The following PCNT variants were observed in gnomAD, a reference collection of about 807,000 sequenced individuals.
PCNT encodes kendrin.
PCNT carries 319 observed loss-of-function variants against 380.4 expected under a neutral mutation model. The ratio of observed to expected loss-of-function variants is 0.84; its 90% CI spans 0.77 to 0.92. The LOEUF is 0.92. Among genes scored for constraint, PCNT ranks in the 40% least tolerant of loss-of-function variants. PCNT has a pLI of 0.00. For synonymous variants in PCNT, 1,845 were observed against 1,735.2 expected, an observed-to-expected ratio of 1.06 and a Z score of -1.57; for missense variants, 4,400 against 4,255.3, an observed-to-expected ratio of 1.03 and a Z score of -0.95.
rs1306250328 is a variant in PCNT, at chr21:46,388,376, T to G, written c.3465-366T>G. ...TGAAATGGCTGGCTGGTGCACCCTGTGCTCCAGGGGAGGGGCGGAGCCTGT... is the reference window on the plus strand; with the variant it reads ...TGAAATGGCTGGCTGGTGCACCCTGGGCTCCAGGGGAGGGGCGGAGCCTGT... On this transcript the variant is annotated intron_variant, in intron 17 of 46. Transcript: ENST00000359568. This position sits in a 1 kb window ranked among gnomAD's most constrained non-coding sequence, Gnocchi z 4.2. Among the ~76,000 whole-genome samples, 1 of 152,186 alleles carries G rather than the reference T, an allele frequency of 6.6e-6. No individual in the cohort carries two copies. Among genetic ancestry groups the G allele is most frequent in the Non-Finnish European group, 1.5e-5 (1 of 68,030 alleles).
At position 46,382,282 on chromosome 21, in the gene PCNT, C is replaced by T. The variant is rs1386493919; in HGVS notation, c.3312+442C>T. The stretch of plus-strand genomic sequence containing the variant: ...GGTGTTGTGCATTCAGTGGTGGAAG[C>T]GCATTCATGGTGTTGTGCATTCAGT... On this transcript the variant is annotated intron_variant, in intron 16 of 46. Transcript: ENST00000359568. Among the ~76,000 whole-genome samples, 5 of 145,316 alleles carry T rather than the reference C, an allele frequency of 3.4e-5. 1 individual carries two copies. The highest frequency in any genetic ancestry group is 2.4e-4 in the South Asian group (1 of 4,226).
chr21:46,351,171 T>A (rs1423219858), intron 8 of PCNT, among the ~76,000 whole-genome samples: 2 of 152,136 alleles, frequency 1.3e-5, no homozygotes, highest in East Asian at 1.9e-4. Flanking sequence ...CCGTGCCACC[T>A]CCTCAGCTGA....
At position 46,444,776 on chromosome 21, in the gene PCNT, C is replaced by T; in HGVS notation, c.9922C>T (p.His3308Tyr). The T allele has an allele frequency of 8.1e-6, 13 of 1,612,808 alleles. No homozygotes were observed. The highest frequency in any genetic ancestry group is 1.1e-5 in the Non-Finnish European group (13 of 1,178,998). Residue 3308 changes from histidine (H) to tyrosine (Y), a missense_variant, in exon 46 of 47, where the codon CAC becomes TAC. His to Tyr is a moderately conservative substitution (Grantham distance 83, BLOSUM62 2). Coordinates refer to ENST00000359568, the MANE Select transcript of PCNT (RefSeq NM_006031.6). ...DPEHSLTEYI[H>Y]HLEVIQQRLG... ...AGAACATTCCTTGACAGAGTATATT[C>T]ACCATTTAGAAGTGATCCAGCAAAG...
At chr21:46,371,494 A>G (rs916044050) in intron 15 of PCNT, among the ~76,000 whole-genome samples, 10 of 152,128 alleles carry the variant, frequency 6.6e-5, no homozygotes. Context: ...TGGCCAGTGT[A>G]GTTACTTACT....
In PCNT at chr21:46,388,833, C is replaced by T. The variant is rs972714232; in HGVS notation, c.3556C>T (p.Arg1186Cys). ...CACCCTGAGGAGCCGGATCGGGGAG[C>T]GCGTGGGGCTCTGCCTGGATGACGC... ...AVTLRSRIGE[R>C]VGLCLDDAGA... The change falls in exon 18 of 47, where the codon CGC becomes TGC. Residue 1186 changes from arginine to cysteine, a missense_variant. Coordinates refer to ENST00000359568, the MANE Select transcript of PCNT (RefSeq NM_006031.6). This position sits in a 1 kb window ranked among gnomAD's most constrained non-coding sequence, Gnocchi z 4.2. 34 of 1,612,008 alleles carry T rather than the reference C, an allele frequency of 2.1e-5. No homozygotes were observed. Among genetic ancestry groups the T allele is most frequent in the Non-Finnish European group, 2.8e-5 (33 of 1,179,966 alleles).
rs752865429 is a variant in PCNT, at chr21:46,363,765, T to C, written c.2440T>C (p.Leu814=). 2 of 1,614,144 alleles carry C rather than the reference T, an allele frequency of 1.2e-6. No individual in the cohort carries two copies. Among genetic ancestry groups the C allele is most frequent in the Admixed American group, 3.3e-5 (2 of 60,028 alleles). ...CCAGATCCTGGATCTGGAGAGGTCC[T>C]TGACGGAGCAGCAGGGCCGCCTGCA... The part of the protein sequence containing the change: ...AAQILDLERS[L]TEQQGRLQQL... The change falls in exon 14 of 47, where the codon TTG becomes CTG. Residue 814 remains leucine (L), a synonymous_variant. Transcript: ENST00000359568.
At chr21:46,365,105 C>CGGGGTTCTATTCACTTCCAT (rs1270704183) in intron 14 of PCNT, among the ~76,000 whole-genome samples, 85 of 152,310 alleles carry the variant, frequency 5.6e-4, no homozygotes, top group African/African-American at 1.7e-3. Context: ...TTCACTGCCA[C>CGGGGTTCTATTCACTTCCAT]GGGGTTCTAT....
At chr21:46,436,704 T>A (rs2053465762) in intron 39 of PCNT, among the ~76,000 whole-genome samples, 2 of 152,130 alleles carry the variant, frequency 1.3e-5, no homozygotes, top group South Asian at 4.1e-4. Flanking sequence ...AATCATTCAT[T>A]CCAGAGGAAA....
At chr21:46,394,916 C>T (rs1371404854) in intron 21 of PCNT, among the ~76,000 whole-genome samples, 2 of 152,196 alleles carry the variant, frequency 1.3e-5, no homozygotes, top group African/African-American at 2.4e-5. Context: ...GCTGGGATTG[C>T]GATCCTCGTG....
In PCNT at chr21:46,411,782, C is replaced by T. The variant is rs774766182; in HGVS notation, c.5709C>T (p.Arg1903=). 1.8e-5 allele frequency: 29 copies of T among 1,602,922 alleles called. No individual in the cohort carries two copies. The highest frequency in any genetic ancestry group is 8.0e-5 in the African/African-American group (6 of 74,788). Residue 1903 remains arginine (R), a synonymous_variant, in exon 28 of 47, where the codon CGC becomes CGT. Transcript: ENST00000359568. Reference sequence around the variant, plus strand: ...TGTTGGCCTTGGCCCGCATCCGCCGCGCCCTGGAGCAGCAGCCCCTGGCAG... The same window carrying T: ...TGTTGGCCTTGGCCCGCATCCGCCGTGCCCTGGAGCAGCAGCCCCTGGCAG... ...AVLLALARIR[R]ALEQQPLAAG... is the part of the protein sequence containing the mutation.
At chr21:46,390,238 G>T (rs567773815) in intron 19 of PCNT, among the ~76,000 whole-genome samples, 1 of 152,260 alleles carries the variant, frequency 6.6e-6, no homozygotes, top group Admixed American at 6.5e-5. Flanking sequence ...GCTTGATCCT[G>T]GGAGGCTGAG....
At chr21:46,370,737 T>C (rs1037811854) in intron 15 of PCNT, among the ~76,000 whole-genome samples, 1 of 152,082 alleles carries the variant, frequency 6.6e-6, no homozygotes, top group Non-Finnish European at 1.5e-5. Flanking sequence ...AAGAGTCCAC[T>C]TCTAAAAATA....
chr21:46,362,207 C>T (rs926498395), intron 13 of PCNT, among the ~76,000 whole-genome samples: 1 of 152,198 alleles, frequency 6.6e-6, no homozygotes, highest in Admixed American at 6.5e-5. Context: ...TCGGGGTCAG[C>T]CTGAGACGTG....
chr21:46,387,537 G>A (rs2147256611), intron 17 of PCNT, among the ~76,000 whole-genome samples: 1 of 152,264 alleles, frequency 6.6e-6, no homozygotes, highest in South Asian at 2.1e-4. Context: ...GAGGTGGGGT[G>A]GCTGCAGACG....
At chr21:46,393,430 CT>C (rs1000178439) in intron 21 of PCNT, among the ~76,000 whole-genome samples, 5 of 152,152 alleles carry the variant, frequency 3.3e-5, no homozygotes, top group African/African-American at 1.2e-4. Flanking sequence ...GATGCTTTCT[CT>C]GCTTGTCCTC....
intron 27 of PCNT, among the ~76,000 whole-genome samples, chr21:46,405,682 C>G (rs550420342): frequency 6.6e-6 from 1 of 151,730 alleles, no homozygotes; most frequent in African/African-American, 2.4e-5. Flanking sequence ...GGCGACAGAG[C>G]AAGACTCGTC....
intron 21 of PCNT, among the ~76,000 whole-genome samples, chr21:46,392,206 T>A (rs1484056372): frequency 6.6e-6 from 1 of 152,132 alleles, no homozygotes; most frequent in Admixed American, 6.6e-5. Flanking sequence ...GATTCCTTGT[T>A]CCTATGGTTT....
chr21:46,409,593 G>A (rs1040800357), intron 27 of PCNT, among the ~76,000 whole-genome samples: 2 of 152,038 alleles, frequency 1.3e-5, no homozygotes, highest in African/African-American at 4.8e-5. Context: ...GCTTGCATAC[G>A]CTTTTTGCTT....
intron 2 of PCNT, 31 bp from the exon 3 acceptor site, chr21:46,334,366 A>C (rs1246969581): frequency 6.2e-7 from 1 of 1,613,944 alleles, no homozygotes; most frequent in Admixed American, 1.7e-5. Context: ...ACCTTGCTTT[A>C]AATGCTTCTT....
Sources: gnomAD v4.1 joint callset for allele counts (sites outside exome capture counted in the v4.1 genomes callset) on GRCh38, gnomAD v4.1.1 for gene constraint, Gnocchi (gnomAD v3.1) non-coding constraint, MANE v1.5 for transcripts, NCBI Gene and HGNC (gene_info 2026-07-23, HGNC 2026-07-21) for gene names.